SCAMP2: variants seen among roughly 807,000 people sequenced by gnomAD.
The protein encoded by SCAMP2 is secretory carrier membrane protein 2, also known as secretory carrier-associated membrane protein 2.
SCAMP2 carries 25 observed loss-of-function variants against 44.1 expected under a neutral mutation model. The ratio of observed to expected loss-of-function variants is 0.57; its 90% confidence interval spans 0.41 to 0.79. The LOEUF (loss-of-function observed/expected upper bound fraction) is 0.79. Among genes scored for constraint, SCAMP2 ranks in the 30% least tolerant of loss-of-function variants. SCAMP2 has a pLI of 0.00. For missense variants in SCAMP2, 355 were observed against 411.0 expected (o/e 0.86, Z 1.18); for synonymous variants, 156 against 166.0 (o/e 0.94, Z 0.46).
intron 1 of SCAMP2, among the ~76,000 whole-genome samples, chr15:74,866,530 GT>G: frequency 6.6e-6 from 1 of 152,094 alleles, no homozygotes; most frequent in East Asian, 1.9e-4. Context: ...GACCAACGTG[GT>G]TGAAACCCCA....
At chr15:74,852,018 C>A (rs1217815895) in intron 4 of SCAMP2, 51 bp downstream of exon 4, 9 of 1,329,110 alleles carry the variant, frequency 6.8e-6, no homozygotes, top group Non-Finnish European at 9.2e-6. Context: ...GGTTTCAGGA[C>A]ACTCTTCTAT....
intron 3 of SCAMP2, chr15:74,853,477 C>T (rs1331329395): frequency 2.2e-6 from 1 of 456,466 alleles, no homozygotes; most frequent in Admixed American, 2.3e-5. Context: ...CGGGAACTTG[C>T]TGGCCTGTCT....
chr15:74,846,098 C>T (rs2064397160), intron 7 of SCAMP2, among the ~76,000 whole-genome samples: 1 of 152,086 alleles, frequency 6.6e-6, no homozygotes, highest in South Asian at 2.1e-4. Flanking sequence ...GCCTGGCCAA[C>T]ATGGAGAAAC....
At chr15:74,873,126 T>C (rs1596429805) in intron 1 of SCAMP2, 73 bp downstream of exon 1, 5 of 1,297,694 alleles carry the variant, frequency 3.9e-6, no homozygotes, top group South Asian at 1.8e-5. Context: ...CTCCCGGCTC[T>C]AGCGAGAGGC....
intron 1 of SCAMP2, among the ~76,000 whole-genome samples, chr15:74,870,191 G>A (rs556919050): frequency 3.7e-4 from 56 of 152,298 alleles, no homozygotes; most frequent in Non-Finnish European, 5.7e-4. Context: ...ATATCCTGGG[G>A]CTTCCTGATG....
intron 1 of SCAMP2, among the ~76,000 whole-genome samples, chr15:74,862,089 A>G (rs868821865): frequency 7.6e-6 from 1 of 131,740 alleles, no homozygotes; most frequent in Non-Finnish European, 1.6e-5. Flanking sequence ...ACCCGTCTCT[A>G]CCAAAAAAAA....
At position 74,867,748 on chromosome 15, in the gene SCAMP2, C is replaced by A. The variant is rs1029218367; in HGVS notation, c.57+5451G>T. Among the ~76,000 whole-genome samples, 7 of 152,242 alleles carry A rather than the reference C, an allele frequency of 4.6e-5. No homozygotes were observed. In the South Asian group the frequency reaches 1.2e-3, roughly 27 times the overall value. ...AAATCCTTGGGAAGCAGCCACAACA[C>A]TGAGATTATCTTTTAACTGCAAGGA... On this transcript the variant is annotated intron_variant, in intron 1 of 8. Transcript: ENST00000268099.
chr15:74,849,717 C>G (rs1268200587), intron 6 of SCAMP2, among the ~76,000 whole-genome samples: 1 of 152,186 alleles, frequency 6.6e-6, no homozygotes, highest in African/African-American at 2.4e-5. Context: ...GCACTCCAGC[C>G]TGGGTGACAG....
rs907338790 is a variant in SCAMP2, at chr15:74,853,156, C to T, written c.225+865G>A. 7 of 328,412 alleles carry T rather than the reference C, an allele frequency of 2.1e-5. No homozygotes were observed. In the East Asian group the frequency reaches 4.1e-4, roughly 19 times the overall value. The allele number at this position is 328,412 out of a possible 1,614,324, so 20.3% of individuals were successfully genotyped here. A position where few individuals can be genotyped will look rare whatever the true frequency, so the allele number is the denominator to read the frequency against. Reference sequence around the variant, plus strand: ...GCGGAAGCAGGAGCAGAACTGACCCCGCTGTGCCACGCTGGGGGTCTTGAC... The same window carrying T: ...GCGGAAGCAGGAGCAGAACTGACCCTGCTGTGCCACGCTGGGGGTCTTGAC... On this transcript the variant is annotated intron_variant, in intron 3 of 8. Coordinates refer to ENST00000268099, the MANE Select transcript of SCAMP2 (RefSeq NM_005697.5).
intron 7 of SCAMP2, among the ~76,000 whole-genome samples, chr15:74,846,313 T>C (rs1259306537): frequency 6.6e-6 from 1 of 150,796 alleles, no homozygotes; most frequent in African/African-American, 2.4e-5. Flanking sequence ...GCTGTGGTCA[T>C]ACATGCCTAT....
In SCAMP2 at chr15:74,850,687, C is replaced by G; in HGVS notation, c.473-14G>C. The G allele has an allele frequency of 6.2e-7, 1 of 1,613,474 alleles. No individual in the cohort carries two copies. The highest frequency in any genetic ancestry group is 1.1e-5 in the South Asian group (1 of 91,060). ...TCACTGAATGCACTGGGGAAGGGGA[C>G]AGGACAGAGTTATGACTTGTGCCAC... On this transcript the variant is annotated splice_polypyrimidine_tract_variant and intron_variant, in intron 5 of 8. Coordinates refer to ENST00000268099, the MANE Select transcript of SCAMP2 (RefSeq NM_005697.5).
At chr15:74,854,142 C>G in intron 2 of SCAMP2, 23 bp from the exon 3 acceptor site, 1 of 1,603,378 alleles carries the variant, frequency 6.2e-7, no homozygotes, top group Non-Finnish European at 8.5e-7. Flanking sequence ...AATCAAAAGA[C>G]AGAATTGAGT....
intron 1 of SCAMP2, among the ~76,000 whole-genome samples, chr15:74,858,701 C>T (rs2064482455): frequency 6.6e-6 from 1 of 151,314 alleles, no homozygotes; most frequent in African/African-American, 2.4e-5. Flanking sequence ...AAATTGAAGG[C>T]GCTCAGTGAA....
At position 74,852,512 on chromosome 15, in the gene SCAMP2, T is replaced by C. The variant is rs959080346; in HGVS notation, c.226-326A>G. The C allele has an allele frequency of 3.8e-5, 9 of 237,898 alleles. No homozygotes were observed. The South Asian group carries it at 5.3e-4, about 14-fold the overall frequency. 14.7% of individuals were successfully genotyped at this position (237,898 alleles called of 1,614,324 possible). A position where few individuals can be genotyped will look rare whatever the true frequency, so the allele number is the denominator to read the frequency against. On this transcript the variant is annotated intron_variant, in intron 3 of 8. Transcript: ENST00000268099. The stretch of plus-strand genomic sequence containing the variant: ...CTGGGTCAAGGCAGCGCTCAGTGAT[T>C]GTGACCTTTGGGAAAAAGACCTCAC...
chr15:74,862,295 G>A (rs2064511967), intron 1 of SCAMP2, among the ~76,000 whole-genome samples: 2 of 71,372 alleles, frequency 2.8e-5, no homozygotes, highest in East Asian at 1.0e-3. Context: ...AAAAATTCCT[G>A]GCCAGGTGCA....
At chr15:74,845,820 T>C (rs774759476) in intron 7 of SCAMP2, among the ~76,000 whole-genome samples, 1 of 152,180 alleles carries the variant, frequency 6.6e-6, no homozygotes, top group Non-Finnish European at 1.5e-5. Flanking sequence ...TCTGGTTATG[T>C]GAGGTCTGAA....
At chr15:74,848,413 A>T in intron 7 of SCAMP2, 187 bp downstream of exon 7, 1 of 503,040 alleles carries the variant, frequency 2.0e-6, no homozygotes, top group Non-Finnish European at 3.5e-6. Context: ...GAGAAAAAAA[A>T]AGTGAGTGGC....
At chr15:74,848,392 T>G in intron 7 of SCAMP2, 1 of 477,072 alleles carries the variant, frequency 2.1e-6, no homozygotes. Context: ...TTTGATGCCT[T>G]TAGTATCAAG....
intron 1 of SCAMP2, among the ~76,000 whole-genome samples, chr15:74,858,870 T>G (rs936897844): frequency 1.4e-5 from 2 of 146,502 alleles, no homozygotes; most frequent in African/African-American, 5.1e-5. Context: ...TGGAGTGCAG[T>G]GGCGCGATCT....
Sources: gnomAD v4.1 joint callset for allele counts (sites outside exome capture counted in the v4.1 genomes callset) on GRCh38, gnomAD v4.1.1 for gene constraint, MANE v1.5 for transcripts, NCBI Gene and HGNC (gene_info 2026-07-23, HGNC 2026-07-21) for gene names.